Variants in B3GAT2 observed in about 807,000 individuals in gnomAD.
B3GAT2 encodes beta-1,3-glucuronyltransferase 2.
Under a neutral mutation model 27.8 loss-of-function variants are expected in B3GAT2, and 26 were observed. The ratio of observed to expected loss-of-function variants is 0.93; its 90% CI spans 0.68 to 1.30. The LOEUF (loss-of-function observed/expected upper bound fraction) is 1.30. B3GAT2 is among the 50% of genes most tolerant of loss of function. The probability of loss-of-function intolerance (pLI) is 0.00; values close to 1 mark genes in which losing one functional copy is unlikely to be tolerated. For missense variants in B3GAT2, 458 were observed against 459.0 expected (o/e 1.00, Z 0.02); for synonymous variants, 218 against 195.1 (o/e 1.12, Z -0.98).
chr6:70,953,270 A>T (rs2150054012), intron 1 of B3GAT2, among the ~76,000 whole-genome samples: 1 of 152,354 alleles, frequency 6.6e-6, no homozygotes, highest in Non-Finnish European at 1.5e-5. Flanking sequence ...TTCTCCAGAG[A>T]ACAATGTCTA....
chr6:70,933,195 A>C (rs1004118205), intron 1 of B3GAT2, among the ~76,000 whole-genome samples: 2 of 152,326 alleles, frequency 1.3e-5, no homozygotes, highest in Non-Finnish European at 1.5e-5. Context: ...TTTCAGAGGA[A>C]CAGCTGGGAT....
intron 2 of B3GAT2, among the ~76,000 whole-genome samples, chr6:70,876,759 A>G (rs1314021404): frequency 6.6e-6 from 1 of 152,206 alleles, no homozygotes; most frequent in Non-Finnish European, 1.5e-5. Context: ...TATTGGTAAC[A>G]CAATACTGAA....
At chr6:70,929,832 GA>G (rs779785312) in intron 1 of B3GAT2, among the ~76,000 whole-genome samples, 2 of 152,036 alleles carry the variant, frequency 1.3e-5, no homozygotes, top group Non-Finnish European at 2.9e-5. Context: ...CACATAATTG[GA>G]AAAAACTACT....
At chr6:70,943,914 G>A (rs1369589684) in intron 1 of B3GAT2, among the ~76,000 whole-genome samples, 2 of 152,138 alleles carry the variant, frequency 1.3e-5, no homozygotes, top group African/African-American at 2.4e-5. Flanking sequence ...TATTAACAAT[G>A]TATTGTACAC....
At position 70,947,336 on chromosome 6, in the gene B3GAT2, A is replaced by G. The variant is rs568976693; in HGVS notation, c.591+8503T>C. ...TCAACAAAATTGATAGACCACTAGC[A>G]AGACTAATAAAGAAGAAAAGAGAGA... On this transcript the variant is annotated intron_variant, in intron 1 of 3. Coordinates refer to ENST00000230053, the MANE Select transcript of B3GAT2 (RefSeq NM_080742.3). 3.4e-3 allele frequency among the ~76,000 whole-genome samples: 520 copies of G among 152,254 alleles called. 3 individuals are homozygous for G. The highest frequency in any genetic ancestry group is 4.1e-3 in the Non-Finnish European group (280 of 68,018).
chr6:70,941,587 T>C (rs1194955906), intron 1 of B3GAT2, among the ~76,000 whole-genome samples: 1 of 152,040 alleles, frequency 6.6e-6, no homozygotes, highest in Non-Finnish European at 1.5e-5. Flanking sequence ...CATGACATTC[T>C]CTTTCCTTTT....
At chr6:70,904,090 C>T (rs1469349513) in intron 1 of B3GAT2, among the ~76,000 whole-genome samples, 1 of 152,094 alleles carries the variant, frequency 6.6e-6, no homozygotes, top group Non-Finnish European at 1.5e-5. Context: ...ATGCATAATA[C>T]CATGTACCAA....
intron 1 of B3GAT2, among the ~76,000 whole-genome samples, chr6:70,917,750 C>A (rs571326538): frequency 6.6e-6 from 1 of 151,848 alleles, no homozygotes; most frequent in Admixed American, 6.6e-5. Flanking sequence ...GATTGCATTG[C>A]GGTCTGAGAG....
intron 2 of B3GAT2, among the ~76,000 whole-genome samples, chr6:70,890,708 T>C (rs1311302024): frequency 4.6e-5 from 7 of 152,188 alleles, no homozygotes; most frequent in Admixed American, 3.9e-4. Flanking sequence ...GGCAGTCTTG[T>C]TGGAGACTGT....
rs767296280 is a variant in B3GAT2 at position 70,861,612 on chromosome 6, CT to C, written c.*50del. The C allele has an allele frequency of 5.8e-6, 9 of 1,539,406 alleles. No individual in the cohort carries two copies. The East Asian group carries it at 1.8e-4, about 31-fold the overall frequency. On this transcript the variant is annotated 3_prime_UTR_variant, in exon 4 of 4. Coordinates refer to ENST00000230053, the MANE Select transcript of B3GAT2 (RefSeq NM_080742.3). ...CTGTAGCCTAAACTCCAAACATCCT[CT>C]TCCATATGGATCCACTGGCTGGACA...
intron 2 of B3GAT2, among the ~76,000 whole-genome samples, chr6:70,886,912 C>G (rs1441976487): frequency 6.6e-6 from 1 of 152,176 alleles, no homozygotes; most frequent in Non-Finnish European, 1.5e-5. Flanking sequence ...TTACCACCCC[C>G]TGGCAGCTGC....
chr6:70,934,799 T>A (rs1482311222), intron 1 of B3GAT2, among the ~76,000 whole-genome samples: 1 of 152,212 alleles, frequency 6.6e-6, no homozygotes, highest in African/African-American at 2.4e-5. Flanking sequence ...TCTAGCAATC[T>A]GTAATATTTG....
rs541631037 is a variant in B3GAT2 at position 70,894,217 on chromosome 6, C to T, written c.647G>A (p.Arg216His). 5.0e-6 allele frequency: 8 copies of T among 1,613,782 alleles called. No homozygotes were observed. Among genetic ancestry groups the T allele is most frequent in the African/African-American group, 2.7e-5 (2 of 75,046 alleles). The change falls in exon 2 of 4, where the codon CGC (arginine) becomes CAC (histidine). Residue 216 changes from arginine (R) to histidine (H), a missense_variant. Coordinates refer to ENST00000230053, the MANE Select transcript of B3GAT2 (RefSeq NM_080742.3). ...VWPVGLVGGR[R>H]YERPLVENGK... is the part of the protein sequence containing the mutation. Reference sequence around the variant, plus strand: ...GTTTTCCACCAGCGGACGTTCGTAGCGCCGCCCACCAACCAGGCCCACAGG... The same window carrying T: ...GTTTTCCACCAGCGGACGTTCGTAGTGCCGCCCACCAACCAGGCCCACAGG...
rs1427929236 is a variant in B3GAT2 at position 70,860,271 on chromosome 6, C to CACA, written c.*1389_*1391dup. ...CTGCAGGTTTTGGCCAGCCCTCCAG[C>CACA]ACAACAGCAGGATGGTCTGGAAGCT... is the stretch of plus-strand genomic sequence containing the variant. On this transcript the variant is annotated 3_prime_UTR_variant, in exon 4 of 4. Transcript: ENST00000230053. 1.2e-6 allele frequency: 2 copies of CACA among 1,613,664 alleles called. No homozygotes were observed. The highest frequency in any genetic ancestry group is 1.3e-5 in the African/African-American group (1 of 74,912).
intron 1 of B3GAT2, among the ~76,000 whole-genome samples, chr6:70,912,352 A>T (rs899067056): frequency 6.6e-6 from 1 of 151,994 alleles, no homozygotes; most frequent in Non-Finnish European, 1.5e-5. Context: ...TGAATTTTGC[A>T]TTCAATAGAT....
intron 1 of B3GAT2, among the ~76,000 whole-genome samples, chr6:70,950,253 C>T (rs949308667): frequency 6.8e-6 from 1 of 147,262 alleles, no homozygotes; most frequent in African/African-American, 2.5e-5. Flanking sequence ...GATCAACCCA[C>T]AGAACAAAGA....
Position 70,857,031 on chromosome 6 carries a change from G to C in B3GAT2, c.*4632C>G. On this transcript the variant is annotated 3_prime_UTR_variant, in exon 4 of 4. Coordinates refer to ENST00000230053, the MANE Select transcript of B3GAT2 (RefSeq NM_080742.3). ...ACCATTCAACAGCAAAGTACTCCTGGTAATGAATTTTGATATCTGCTTTCA... is the reference window on the plus strand; with the variant it reads ...ACCATTCAACAGCAAAGTACTCCTGCTAATGAATTTTGATATCTGCTTTCA... The C allele has an allele frequency of 6.3e-7, 1 of 1,596,160 alleles. No individual in the cohort carries two copies. The highest frequency in any genetic ancestry group is 8.5e-7 in the Non-Finnish European group (1 of 1,171,082).
At chr6:70,944,512 TG>T in intron 1 of B3GAT2, among the ~76,000 whole-genome samples, 1 of 152,284 alleles carries the variant, frequency 6.6e-6, no homozygotes, top group African/African-American at 2.4e-5. Context: ...GCAGCGAGGC[TG>T]GGGGAGGGGT....
At chr6:70,904,012 C>T (rs529394793) in intron 1 of B3GAT2, among the ~76,000 whole-genome samples, 3 of 152,140 alleles carry the variant, frequency 2.0e-5, no homozygotes, top group African/African-American at 7.2e-5. Context: ...AATAGATAAA[C>T]AAATAGATAA....
Sources: gnomAD v4.1 joint callset for allele counts (sites outside exome capture counted in the v4.1 genomes callset) on GRCh38, gnomAD v4.1.1 for gene constraint, MANE v1.5 for transcripts, NCBI Gene and HGNC (gene_info 2026-07-23, HGNC 2026-07-21) for gene names.